NCK1: variants seen among roughly 807,000 people sequenced by gnomAD.
The protein encoded by NCK1 is NCK adaptor protein 1.
In NCK1, 19 loss-of-function variants were observed where a neutral mutation model predicts 36.6. That is an observed-to-expected ratio of 0.52 (90% CI 0.36 to 0.76). The LOEUF (loss-of-function observed/expected upper bound fraction) is 0.76. Among genes scored for constraint, NCK1 ranks in the 30% least tolerant of loss-of-function variants. The probability of loss-of-function intolerance (pLI) is 0.00; values close to 1 mark genes in which losing one functional copy is unlikely to be tolerated. For missense variants in NCK1, 358 were observed against 445.6 expected (o/e 0.80, Z 1.77); for synonymous variants, 165 against 156.0 (o/e 1.06, Z -0.43).
intron 3 of NCK1, 71 bp downstream of exon 3, chr3:136,946,366 A>G: frequency 5.1e-6 from 7 of 1,379,706 alleles, no homozygotes; most frequent in Non-Finnish European, 7.0e-6. Context: ...AGAGAAATGG[A>G]GAGGTTAAGT....
rs1254758704 is a variant in NCK1, at chr3:136,947,476, A to G, written c.940-783A>G. Among the ~76,000 whole-genome samples, 2 of 152,182 alleles carry G rather than the reference A, an allele frequency of 1.3e-5. 1 individual carries two copies. The highest frequency in any genetic ancestry group is 4.8e-5 in the African/African-American group (2 of 41,450). On this transcript the variant is annotated intron_variant, in intron 3 of 3. Transcript: ENST00000481752. ...CTTTTTAAGGTTAGAGGTCTCAAGT[A>G]GGCATATTTTGTTTAGCCTTCACAG...
intron 2 of NCK1, among the ~76,000 whole-genome samples, chr3:136,938,945 C>G (rs892520332): frequency 6.6e-6 from 1 of 152,118 alleles, no homozygotes; most frequent in Admixed American, 6.5e-5. Context: ...TGATATTAGC[C>G]AGTTGTCTTG....
intron 1 of NCK1, among the ~76,000 whole-genome samples, chr3:136,863,084 G>C (rs1295720469): frequency 6.6e-6 from 1 of 151,878 alleles, no homozygotes; most frequent in African/African-American, 2.4e-5. Context: ...TTTTGTTCAG[G>C]GGTGAGGACG....
At chr3:136,885,882 G>T (rs1473723656) in intron 1 of NCK1, among the ~76,000 whole-genome samples, 1 of 152,112 alleles carries the variant, frequency 6.6e-6, no homozygotes, top group Non-Finnish European at 1.5e-5. Flanking sequence ...TATAAAGTTG[G>T]AATGGCTAAC....
chr3:136,873,314 C>T (rs1034252446), intron 1 of NCK1, among the ~76,000 whole-genome samples: 3 of 152,158 alleles, frequency 2.0e-5, no homozygotes, highest in African/African-American at 7.2e-5. Flanking sequence ...GACTGCCCTG[C>T]TGTATTTTGG....
intron 1 of NCK1, among the ~76,000 whole-genome samples, chr3:136,863,928 C>A (rs1279465136): frequency 6.6e-6 from 1 of 151,356 alleles, no homozygotes; most frequent in Admixed American, 6.6e-5. Flanking sequence ...GGTGAAACCC[C>A]GTCTCTACTA....
At chr3:136,893,865 C>G (rs1939321780) in intron 1 of NCK1, among the ~76,000 whole-genome samples, 1 of 152,128 alleles carries the variant, frequency 6.6e-6, no homozygotes, top group South Asian at 2.1e-4. Flanking sequence ...CTTTTACTAC[C>G]TATTCTAGAT....
At chr3:136,921,499 T>C (rs1940108620) in intron 1 of NCK1, among the ~76,000 whole-genome samples, 1 of 152,236 alleles carries the variant, frequency 6.6e-6, no homozygotes, top group African/African-American at 2.4e-5. Flanking sequence ...GGTGTTTATA[T>C]TGTACTTCAT....
At chr3:136,902,399 T>C (rs1035635076) in intron 1 of NCK1, among the ~76,000 whole-genome samples, 7 of 152,144 alleles carry the variant, frequency 4.6e-5, no homozygotes, top group Non-Finnish European at 8.8e-5. Context: ...TTCAGCATGC[T>C]GCCCAGGCTG....
chr3:136,879,884 T>C (rs1027061571), intron 1 of NCK1, among the ~76,000 whole-genome samples: 19 of 151,670 alleles, frequency 1.3e-4, no homozygotes, highest in African/African-American at 4.6e-4. Flanking sequence ...GGAGAAATAC[T>C]TAATGTAAAT....
At chr3:136,889,086 C>T (rs1315578963) in intron 1 of NCK1, 2 of 113,670 alleles carry the variant, frequency 1.8e-5, no homozygotes, top group African/African-American at 3.3e-5. Flanking sequence ...TAGAGACAGT[C>T]TCACTGTGTT....
At chr3:136,891,094 T>C (rs1423551386) in intron 1 of NCK1, among the ~76,000 whole-genome samples, 1 of 152,248 alleles carries the variant, frequency 6.6e-6, no homozygotes, top group Admixed American at 6.5e-5. Flanking sequence ...CTGGTACTGT[T>C]CCGTTGAATC....
intron 2 of NCK1, chr3:136,928,428 C>G: frequency 1.8e-6 from 1 of 569,172 alleles, no homozygotes; most frequent in Non-Finnish European, 3.1e-6. Context: ...AATCTAGGCC[C>G]ATGCTCCAAG....
chr3:136,906,100 A>T (rs1452044870), intron 1 of NCK1, among the ~76,000 whole-genome samples: 1 of 151,962 alleles, frequency 6.6e-6, no homozygotes, highest in South Asian at 2.1e-4. Context: ...ATTTTCCTGA[A>T]GATGTATTTG....
At chr3:136,940,937 G>T (rs80201571) in intron 2 of NCK1, among the ~76,000 whole-genome samples, 26,935 of 151,908 alleles carry the variant, frequency 0.18, 2,680 homozygotes, top group Middle Eastern at 0.24. Flanking sequence ...AAACCTATTT[G>T]CATCTTTGTT....
At chr3:136,908,106 A>G (rs1939735444) in intron 1 of NCK1, among the ~76,000 whole-genome samples, 2 of 152,190 alleles carry the variant, frequency 1.3e-5, no homozygotes. Flanking sequence ...ATTTTAGTAA[A>G]AACATACATT....
chr3:136,932,472 T>TA (rs1940417468), intron 2 of NCK1, among the ~76,000 whole-genome samples: 1 of 152,044 alleles, frequency 6.6e-6, no homozygotes, highest in Admixed American at 6.5e-5. Flanking sequence ...ATGTTTTAAA[T>TA]AAAACAATAA....
intron 1 of NCK1, among the ~76,000 whole-genome samples, chr3:136,890,008 G>C (rs560222369): frequency 3.3e-5 from 5 of 152,310 alleles, no homozygotes; most frequent in African/African-American, 1.2e-4. Flanking sequence ...CCGCACTCCT[G>C]AGCCCTTGGG....
chr3:136,880,054 A>G (rs1034733936), intron 1 of NCK1, among the ~76,000 whole-genome samples: 4 of 146,522 alleles, frequency 2.7e-5, no homozygotes, highest in African/African-American at 1.0e-4. Flanking sequence ...GGAGGCTGAG[A>G]TGGGTGGATC....
Sources: gnomAD v4.1 joint callset for allele counts (sites outside exome capture counted in the v4.1 genomes callset) on GRCh38, gnomAD v4.1.1 for gene constraint, MANE v1.5 for transcripts, NCBI Gene and HGNC (gene_info 2026-07-23, HGNC 2026-07-21) for gene names.